The following RALGPS1 variants were observed in gnomAD, a reference collection of about 807,000 sequenced individuals.
RALGPS1 encodes the protein Ral GEF with PH domain and SH3 binding motif 1, also known as ras-specific guanine nucleotide-releasing factor RalGPS1.
RALGPS1 carries 19 observed loss-of-function variants against 78.8 expected under a neutral mutation model. The ratio of observed to expected loss-of-function variants is 0.24; its 90% CI spans 0.17 to 0.35. The LOEUF (loss-of-function observed/expected upper bound fraction) is 0.35, where lower values mean the gene tolerates loss of function less well. Among genes scored for constraint, RALGPS1 ranks in the 10% least tolerant of loss-of-function variants. The pLI, the probability that RALGPS1 is intolerant of heterozygous loss-of-function variation, is 1.00. For synonymous variants in RALGPS1, 228 were observed against 256.3 expected, an observed-to-expected ratio of 0.89 and a Z score of 1.06; for missense variants, 454 against 688.3, an observed-to-expected ratio of 0.66 and a Z score of 3.81.
chr9:127,174,261 GAA>G (rs1020127049), intron 10 of RALGPS1, among the ~76,000 whole-genome samples: 2 of 137,094 alleles, frequency 1.5e-5, no homozygotes, highest in African/African-American at 5.6e-5. Context: ...AAGAAAGAAA[GAA>G]AAAGAGAGAG....
At chr9:127,061,337 A>G (rs1289018915) in intron 7 of RALGPS1, among the ~76,000 whole-genome samples, 1 of 152,204 alleles carries the variant, frequency 6.6e-6, no homozygotes, top group African/African-American at 2.4e-5. Context: ...ACATGGCCAT[A>G]ATCAACTCAT....
At chr9:127,127,002 G>A (rs1423162046) in intron 8 of RALGPS1, among the ~76,000 whole-genome samples, 5 of 152,184 alleles carry the variant, frequency 3.3e-5, no homozygotes, top group Admixed American at 3.3e-4. Context: ...GTTCTAGCAG[G>A]CAGTTAAATT....
chr9:126,950,028 A>G (rs1484582495), intron 1 of RALGPS1, among the ~76,000 whole-genome samples: 1 of 152,024 alleles, frequency 6.6e-6, no homozygotes, highest in Admixed American at 6.6e-5. Context: ...AGCTTTCTAC[A>G]TATGGCTAGC....
chr9:127,213,374 G>T (rs2062392226), intron 17 of RALGPS1, among the ~76,000 whole-genome samples: 1 of 152,224 alleles, frequency 6.6e-6, no homozygotes. Context: ...CATGAGGCTG[G>T]AAGGGTCTTG....
At position 127,050,253 on chromosome 9, in the gene RALGPS1, A is replaced by G. The variant is rs2048180499; in HGVS notation, c.390+121A>G. 4 of 835,006 alleles carry G rather than the reference A, an allele frequency of 4.8e-6. No individual in the cohort carries two copies. The Admixed American group carries it at 6.3e-5, about 13-fold the overall frequency. 51.7% of individuals were successfully genotyped at this position (835,006 alleles called of 1,614,324 possible). A position where few individuals can be genotyped will look rare whatever the true frequency, so the allele number is the denominator to read the frequency against. On this transcript the variant is annotated intron_variant, in intron 6 of 18. Coordinates refer to ENST00000259351, the MANE Select transcript of RALGPS1 (RefSeq NM_014636.3). ...GCTGTGGGCCTGCCAGGCACAGTTC[A>G]AACAGGGTGCTGTGGCTTGACTTCC...
At chr9:126,922,362 G>A (rs2034852233) in intron 1 of RALGPS1, among the ~76,000 whole-genome samples, 1 of 152,194 alleles carries the variant, frequency 6.6e-6, no homozygotes, top group Non-Finnish European at 1.5e-5. Flanking sequence ...ATGAAAGGAA[G>A]AATAGGGAAT....
At chr9:127,116,740 C>T (rs1657180865) in intron 8 of RALGPS1, among the ~76,000 whole-genome samples, 1 of 152,216 alleles carries the variant, frequency 6.6e-6, no homozygotes, top group South Asian at 2.1e-4. Flanking sequence ...TGGACTTGTT[C>T]CTCAAACACT....
intron 8 of RALGPS1, among the ~76,000 whole-genome samples, chr9:127,072,925 A>AT (rs751621492): frequency 1.3e-5 from 2 of 151,902 alleles, no homozygotes; most frequent in African/African-American, 2.4e-5. Flanking sequence ...TTTCATTTGG[A>AT]TTTTTTTGCC....
At chr9:127,174,193 T>A (rs1318927405) in intron 10 of RALGPS1, among the ~76,000 whole-genome samples, 1 of 140,764 alleles carries the variant, frequency 7.1e-6, no homozygotes, top group Non-Finnish European at 1.5e-5. Context: ...CATTCCAGCC[T>A]GGCGACAGAG....
chr9:126,999,821 A>G (rs371683585), intron 4 of RALGPS1, among the ~76,000 whole-genome samples: 13 of 152,306 alleles, frequency 8.5e-5, no homozygotes, highest in African/African-American at 2.6e-4. Flanking sequence ...CAAGTTTTCA[A>G]CCCATTTGGG....
intron 4 of RALGPS1, among the ~76,000 whole-genome samples, chr9:126,981,363 A>G (rs2041234860): frequency 6.6e-6 from 1 of 152,208 alleles, no homozygotes; most frequent in South Asian, 2.1e-4. Context: ...CCTCCCTGCC[A>G]TGGGGGTCCT....
At chr9:126,931,127 C>T (rs1205284999) in intron 1 of RALGPS1, among the ~76,000 whole-genome samples, 3 of 152,218 alleles carry the variant, frequency 2.0e-5, no homozygotes, top group Non-Finnish European at 4.4e-5. Context: ...TGCGAGAGCT[C>T]TAGCCTTTCC....
intron 1 of RALGPS1, among the ~76,000 whole-genome samples, chr9:126,918,735 C>T (rs1187122900): frequency 2.0e-5 from 3 of 149,678 alleles, no homozygotes; most frequent in South Asian, 2.1e-4. Context: ...TGCAATGGCG[C>T]GATCTTGGCT....
chr9:126,934,851 G>C (rs1179039569), intron 1 of RALGPS1, among the ~76,000 whole-genome samples: 2 of 152,084 alleles, frequency 1.3e-5, no homozygotes, highest in Non-Finnish European at 2.9e-5. Flanking sequence ...CTTCTTTCCA[G>C]TTCACCTCCC....
At chr9:127,053,332 G>A (rs1406612428) in intron 7 of RALGPS1, among the ~76,000 whole-genome samples, 1 of 152,128 alleles carries the variant, frequency 6.6e-6, no homozygotes, top group Non-Finnish European at 1.5e-5. Flanking sequence ...TAGCCATACC[G>A]CTAAGTTTCT....
chr9:127,007,352 A>G (rs1334064516), intron 4 of RALGPS1, among the ~76,000 whole-genome samples: 2 of 152,218 alleles, frequency 1.3e-5, no homozygotes, highest in Non-Finnish European at 2.9e-5. Context: ...GTGCTTCCTT[A>G]GGCACCAGAC....
At chr9:127,029,280 G>T (rs1215332643) in intron 4 of RALGPS1, among the ~76,000 whole-genome samples, 2 of 152,108 alleles carry the variant, frequency 1.3e-5, no homozygotes, top group African/African-American at 4.8e-5. Context: ...GACCCACTCT[G>T]GTCAGGTCCC....
intron 12 of RALGPS1, 34 bp from the exon 13 acceptor site, chr9:127,196,439 GA>G: frequency 6.3e-7 from 1 of 1,591,808 alleles, no homozygotes; most frequent in Non-Finnish European, 8.6e-7. Flanking sequence ...CATAGATAAG[GA>G]GCTTTGCCTT....
At chr9:127,102,851 T>C (rs1032625913) in intron 8 of RALGPS1, among the ~76,000 whole-genome samples, 2 of 152,260 alleles carry the variant, frequency 1.3e-5, no homozygotes, top group African/African-American at 4.8e-5. Flanking sequence ...TGAAATCTTA[T>C]TTTGTTTAAC....
Sources: allele counts gnomAD v4.1 joint callset (sites outside exome capture counted in the v4.1 genomes callset), GRCh38; gene constraint gnomAD v4.1.1; transcripts MANE v1.5; gene names NCBI Gene and HGNC (gene_info 2026-07-23, HGNC 2026-07-21).